The following GABRG3 variants were observed in gnomAD, a reference collection of about 807,000 sequenced individuals.
The protein encoded by GABRG3 is gamma-aminobutyric acid receptor subunit gamma-3.
Under a neutral mutation model 48.8 loss-of-function variants are expected in GABRG3, and 25 were observed. That is an observed-to-expected ratio of 0.51 (90% confidence interval 0.37 to 0.72). The LOEUF (loss-of-function observed/expected upper bound fraction) is 0.72, where lower values mean the gene tolerates loss of function less well. GABRG3 is among the 30% of genes least tolerant of loss of function. The pLI is 0.00. For synonymous variants in GABRG3, 227 were observed against 217.6 expected (o/e 1.04, Z -0.38); for missense variants, 394 against 577.9 (o/e 0.68, Z 3.26).
At chr15:27,286,843 G>A (rs1219779875) in intron 3 of GABRG3, among the ~76,000 whole-genome samples, 1 of 152,102 alleles carries the variant, frequency 6.6e-6, no homozygotes, top group African/African-American at 2.4e-5. Context: ...TTTTAGACGT[G>A]TCCCTGCAAG....
chr15:27,461,077 G>T (rs756590335), intron 5 of GABRG3, among the ~76,000 whole-genome samples: 3 of 152,000 alleles, frequency 2.0e-5, no homozygotes, highest in Non-Finnish European at 4.4e-5. Context: ...GATTGTTTTT[G>T]CTAAGATGAA....
chr15:27,443,304 T>A (rs1055994841), intron 5 of GABRG3, among the ~76,000 whole-genome samples: 2 of 152,180 alleles, frequency 1.3e-5, no homozygotes, highest in African/African-American at 4.8e-5. Flanking sequence ...AATTGAGAAT[T>A]CAAAAGCAAT....
intron 5 of GABRG3, among the ~76,000 whole-genome samples, chr15:27,426,769 A>C (rs1888306070): frequency 6.6e-6 from 1 of 152,182 alleles, no homozygotes; most frequent in Non-Finnish European, 1.5e-5. Flanking sequence ...GGCTGTAGTG[A>C]GGTATGATGC....
chr15:27,436,316 C>T (rs565262837), intron 5 of GABRG3, among the ~76,000 whole-genome samples: 2 of 152,182 alleles, frequency 1.3e-5, no homozygotes, highest in South Asian at 4.1e-4. Context: ...GCTGCATCCT[C>T]ATGACTTTGT....
At chr15:27,414,024 C>T (rs1394545347) in intron 5 of GABRG3, among the ~76,000 whole-genome samples, 2 of 151,980 alleles carry the variant, frequency 1.3e-5, no homozygotes, top group Non-Finnish European at 2.9e-5. Context: ...ATGCTCACAG[C>T]CTTTCTTTTT....
At chr15:27,183,252 A>C in intron 3 of GABRG3, among the ~76,000 whole-genome samples, 1 of 152,304 alleles carries the variant, frequency 6.6e-6, no homozygotes, top group South Asian at 2.1e-4. Context: ...TAAAAAAGCT[A>C]TCTTACTCTC....
chr15:27,117,404 T>TCTCTGTGGTCTCA (rs1405850011), intron 3 of GABRG3, among the ~76,000 whole-genome samples: 3 of 152,164 alleles, frequency 2.0e-5, no homozygotes, highest in Non-Finnish European at 4.4e-5. Context: ...AAGTGAGTCC[T>TCTCTGTGGTCTCA]CTCTGTGTAG....
chr15:27,338,733 C>T (rs1284389287), intron 5 of GABRG3, among the ~76,000 whole-genome samples: 1 of 152,196 alleles, frequency 6.6e-6, no homozygotes, highest in Non-Finnish European at 1.5e-5. Context: ...TGCTATCAGG[C>T]TTTGCAATAT....
intron 2 of GABRG3, among the ~76,000 whole-genome samples, chr15:27,019,235 AT>A (rs899263364): frequency 2.0e-5 from 3 of 151,144 alleles, no homozygotes; most frequent in African/African-American, 7.3e-5. Context: ...CGCCTGGCTA[AT>A]TTTTTTTGTA....
At chr15:27,028,285 G>A (rs925657212) in intron 3 of GABRG3, among the ~76,000 whole-genome samples, 4 of 152,116 alleles carry the variant, frequency 2.6e-5, no homozygotes, top group Non-Finnish European at 5.9e-5. Flanking sequence ...AAGTTTGAAG[G>A]TCCTTAGTAA....
rs1043415817 is a variant in GABRG3, at chr15:27,236,653, A to G, written c.271-90156A>G. Among the ~76,000 whole-genome samples the G allele has an allele frequency of 2.0e-5, 3 of 152,136 alleles. No individual in the cohort carries two copies. Among genetic ancestry groups the G allele is most frequent in the Non-Finnish European group, 4.4e-5 (3 of 68,028 alleles). On this transcript the variant is annotated intron_variant, in intron 3 of 9. Transcript: ENST00000615808. This position sits in a 1 kb window ranked among gnomAD's most constrained non-coding sequence, Gnocchi z 4.4. ...ACAATACACCTGTTCCTGATTAGAGACCACCAGCCACAGAGTGGCTCTGAC... is the reference window on the plus strand; with the variant it reads ...ACAATACACCTGTTCCTGATTAGAGGCCACCAGCCACAGAGTGGCTCTGAC...
chr15:27,170,962 C>T (rs575761156), intron 3 of GABRG3, among the ~76,000 whole-genome samples: 130 of 152,342 alleles, frequency 8.5e-4, no homozygotes, highest in African/African-American at 3.0e-3. Context: ...ACTTTCAAGT[C>T]TGTCCCTTCC....
intron 5 of GABRG3, among the ~76,000 whole-genome samples, chr15:27,367,965 G>C (rs902697100): frequency 3.9e-5 from 6 of 152,062 alleles, no homozygotes; most frequent in African/African-American, 1.4e-4. Flanking sequence ...TCTCTGCTCT[G>C]TCTCCTTTCT....
At chr15:27,192,810 A>G (rs931588867) in intron 3 of GABRG3, among the ~76,000 whole-genome samples, 22 of 152,054 alleles carry the variant, frequency 1.4e-4, no homozygotes, top group African/African-American at 5.1e-4. Context: ...TAGAGTTTCC[A>G]GGTTTTCTGC....
Position 27,540,463 on chromosome 15 carries a change from T to C in GABRG3, c.*7582T>C, listed in dbSNP as rs1891640254. 6.6e-6 allele frequency: 1 copy of C among 152,242 alleles called. No individual in the cohort carries two copies. The highest frequency in any genetic ancestry group is 2.4e-5 in the African/African-American group (1 of 41,468). The allele number at this position is 152,242 out of a possible 1,614,324, so 9.4% of individuals were successfully genotyped here. ...GTCTAGGCTTTGTTTCCCCCTAACT[T>C]ATCCTGGCATTTTTACTTTGAATAG... On this transcript the variant is annotated 3_prime_UTR_variant, in exon 10 of 10. Coordinates refer to ENST00000615808, the MANE Select transcript of GABRG3 (RefSeq NM_033223.5).
chr15:27,380,042 C>T (rs1038209423), intron 5 of GABRG3, among the ~76,000 whole-genome samples: 4 of 151,064 alleles, frequency 2.6e-5, no homozygotes, highest in Admixed American at 6.6e-5. Context: ...TATAATTATC[C>T]GATGGTTTTT....
intron 6 of GABRG3, among the ~76,000 whole-genome samples, chr15:27,501,227 A>G (rs1054086389): frequency 1.3e-5 from 2 of 152,202 alleles, no homozygotes; most frequent in African/African-American, 2.4e-5. Flanking sequence ...CTAGGATTAC[A>G]GGCGTGAGCC....
intron 3 of GABRG3, among the ~76,000 whole-genome samples, chr15:27,142,406 AAG>A (rs1212439622): frequency 4.0e-4 from 61 of 152,180 alleles, no homozygotes; most frequent in Admixed American, 3.7e-3. Flanking sequence ...GCAGTTGGCA[AAG>A]AGAGAAATGA....
chr15:27,018,682 T>C (rs1895823567), intron 2 of GABRG3, among the ~76,000 whole-genome samples: 1 of 152,176 alleles, frequency 6.6e-6, no homozygotes, highest in African/African-American at 2.4e-5. Flanking sequence ...ATTGGCCAAA[T>C]TGGACCTTAA....
Sources: gnomAD v4.1 joint callset for allele counts (sites outside exome capture counted in the v4.1 genomes callset) on GRCh38, gnomAD v4.1.1 for gene constraint, Gnocchi (gnomAD v3.1) non-coding constraint, MANE v1.5 for transcripts, NCBI Gene and HGNC (gene_info 2026-07-23, HGNC 2026-07-21) for gene names.